KCNJ3: variants seen among roughly 807,000 people sequenced by gnomAD.
The protein encoded by KCNJ3 is potassium inwardly rectifying channel subfamily J member 3, also known as G protein-activated inward rectifier potassium channel 1.
Under a neutral mutation model 39.2 loss-of-function variants are expected in KCNJ3, and 4 were observed. The ratio of observed to expected loss-of-function variants is 0.10; its 90% CI spans 0.05 to 0.23. KCNJ3 has a LOEUF of 0.23. KCNJ3 is among the 10% of genes least tolerant of loss of function. The pLI, the probability that KCNJ3 is intolerant of heterozygous loss-of-function variation, is 1.00. For synonymous variants in KCNJ3, 230 were observed against 237.4 expected, an observed-to-expected ratio of 0.97 and a Z score of 0.29; for missense variants, 276 against 634.9, an observed-to-expected ratio of 0.43 and a Z score of 6.08.
chr2:154,834,714 G>A (rs1016173709), intron 2 of KCNJ3, among the ~76,000 whole-genome samples: 2 of 151,518 alleles, frequency 1.3e-5, no homozygotes, highest in Non-Finnish European at 2.9e-5. Flanking sequence ...GTGACAGAGC[G>A]AGACTCCATC....
At chr2:154,818,918 C>CTTTT (rs57668487) in intron 2 of KCNJ3, among the ~76,000 whole-genome samples, 1,701 of 52,414 alleles carry the variant, frequency 0.032, 178 homozygotes, top group East Asian at 0.082. Flanking sequence ...CTGCAAAAGC[C>CTTTT]TTTTTTTTTT....
chr2:154,699,413 T>C lies in KCNJ3; in HGVS notation c.638T>C (p.Phe213Ser). ...AGGGACGGAAAACTCACGCTTATGT[T>C]CCGGGTGGGCAACCTGCGCAACAGC... ...SMRDGKLTLM[F>S]RVGNLRNSHM... Residue 213 changes from phenylalanine (F) to serine (S), a missense_variant, in exon 1 of 3, where the codon TTC (phenylalanine) becomes TCC (serine). By Grantham distance (155) the Phe-to-Ser change is radical. Transcript: ENST00000295101. This position sits in a 1 kb window ranked among gnomAD's most constrained non-coding sequence, Gnocchi z 6.4. 6.2e-7 allele frequency: 1 copy of C among 1,605,600 alleles called. No homozygotes were observed. The highest frequency in any genetic ancestry group is 8.5e-7 in the Non-Finnish European group (1 of 1,179,956).
chr2:154,829,114 ATAT>A (rs1395733685), intron 2 of KCNJ3, among the ~76,000 whole-genome samples: 1 of 152,066 alleles, frequency 6.6e-6, no homozygotes, highest in African/African-American at 2.4e-5. Flanking sequence ...TGAAACTCAA[ATAT>A]TATTTATTTA....
chr2:154,831,103 C>A (rs1173049607), intron 2 of KCNJ3, among the ~76,000 whole-genome samples: 1 of 152,126 alleles, frequency 6.6e-6, no homozygotes, highest in East Asian at 1.9e-4. Context: ...CTTGTTCAGT[C>A]TTGACCTCAT....
chr2:154,725,009 T>C (rs986005685), intron 2 of KCNJ3, among the ~76,000 whole-genome samples: 2 of 149,398 alleles, frequency 1.3e-5, no homozygotes, highest in Non-Finnish European at 3.0e-5. Flanking sequence ...CCTGGGCTTT[T>C]AGTGTTTCCC....
At chr2:154,810,544 AC>A in intron 2 of KCNJ3, among the ~76,000 whole-genome samples, 1 of 152,340 alleles carries the variant, frequency 6.6e-6, no homozygotes, top group East Asian at 1.9e-4. Flanking sequence ...CTATTATAAG[AC>A]TAGCCAGATC....
intron 2 of KCNJ3, among the ~76,000 whole-genome samples, chr2:154,786,043 T>C (rs1187771003): frequency 1.3e-5 from 2 of 152,338 alleles, no homozygotes; most frequent in African/African-American, 4.8e-5. Context: ...AATCATGAAA[T>C]TGATGGTTAT....
At chr2:154,814,146 A>C (rs1478229627) in intron 2 of KCNJ3, among the ~76,000 whole-genome samples, 2 of 152,114 alleles carry the variant, frequency 1.3e-5, no homozygotes, top group Non-Finnish European at 2.9e-5. Flanking sequence ...TAAAGGTTTA[A>C]TTTTCTTTTT....
intron 2 of KCNJ3, among the ~76,000 whole-genome samples, chr2:154,832,673 A>G (rs933428652): frequency 6.9e-6 from 1 of 145,668 alleles, no homozygotes; most frequent in Non-Finnish European, 1.5e-5. Context: ...TTAACATCAG[A>G]GGAAATGGAG....
chr2:154,794,035 C>T (rs2105212178), intron 2 of KCNJ3, among the ~76,000 whole-genome samples: 1 of 151,920 alleles, frequency 6.6e-6, no homozygotes, highest in South Asian at 2.1e-4. Context: ...TCTGGAATCT[C>T]CTCAAAGCTA....
intron 2 of KCNJ3, among the ~76,000 whole-genome samples, chr2:154,782,046 G>A (rs899075895): frequency 6.6e-6 from 1 of 152,140 alleles, no homozygotes; most frequent in East Asian, 1.9e-4. Context: ...TGATATTGAG[G>A]TGTATACAAT....
At chr2:154,770,103 A>G (rs1485414763) in intron 2 of KCNJ3, among the ~76,000 whole-genome samples, 1 of 152,178 alleles carries the variant, frequency 6.6e-6, no homozygotes, top group Non-Finnish European at 1.5e-5. Context: ...TGAGGAGACA[A>G]GTATGTCATC....
intron 2 of KCNJ3, among the ~76,000 whole-genome samples, chr2:154,820,781 A>G (rs1050690103): frequency 2.0e-5 from 3 of 152,090 alleles, no homozygotes; most frequent in Non-Finnish European, 4.4e-5. Flanking sequence ...TAATTTTCTA[A>G]TTTTATTGTT....
At chr2:154,726,858 C>T (rs189755982) in intron 2 of KCNJ3, among the ~76,000 whole-genome samples, 1 of 145,048 alleles carries the variant, frequency 6.9e-6, no homozygotes, top group African/African-American at 2.6e-5. Context: ...TACTACTCAG[C>T]CAAAATAAGG....
chr2:154,726,792 T>TACACACACACAC (rs1421883511), intron 2 of KCNJ3, among the ~76,000 whole-genome samples: 40 of 101,378 alleles, frequency 3.9e-4, no homozygotes, highest in African/African-American at 1.6e-3. Flanking sequence ...ACATTTTATA[T>TACACACACACAC]ACATACACAC....
Position 154,840,649 on chromosome 2 carries a change from C to T in KCNJ3, c.920-14078C>T, listed in dbSNP as rs1574482602. On this transcript the variant is annotated intron_variant, in intron 2 of 2. Transcript: ENST00000295101. ...TGTAGTTCTCCTTGAAGAGGTCCTT[C>T]ACATCCCTTGTAAGTTGGATTCCTA... Among the ~76,000 whole-genome samples, 6 of 152,290 alleles carry T rather than the reference C, an allele frequency of 3.9e-5. 1 individual carries two copies. The highest frequency in any genetic ancestry group is 1.4e-4 in the African/African-American group (6 of 41,564).
chr2:154,699,119 C>T lies in KCNJ3; in HGVS notation c.344C>T (p.Ala115Val), dbSNP rs1448124560. The T allele has an allele frequency of 1.9e-6, 3 of 1,614,112 alleles. No individual in the cohort carries two copies. The highest frequency in any genetic ancestry group is 2.5e-6 in the Non-Finnish European group (3 of 1,180,056). Residue 115 changes from alanine (A) to valine (V), a missense_variant, in exon 1 of 3, where the codon GCC (alanine) becomes GTC (valine). Ala to Val is a moderately conservative substitution (Grantham distance 64). Coordinates refer to ENST00000295101, the MANE Select transcript of KCNJ3 (RefSeq NM_002239.4). The surrounding 1 kb of genome is among the most constrained non-coding windows in gnomAD (Gnocchi z 6.4). ...IAYTRGDLNK[A>V]HVGNYTPCVA... ...TACACTCGGGGCGACCTGAACAAAG[C>T]CCACGTCGGTAACTACACGCCTTGC...
intron 1 of KCNJ3, among the ~76,000 whole-genome samples, chr2:154,705,045 G>C (rs904267279): frequency 6.6e-6 from 1 of 152,176 alleles, no homozygotes; most frequent in Non-Finnish European, 1.5e-5. Flanking sequence ...TGTGAAAGGT[G>C]GTTAGGCATG....
chr2:154,817,155 G>T (rs1233534184), intron 2 of KCNJ3, among the ~76,000 whole-genome samples: 1 of 152,006 alleles, frequency 6.6e-6, no homozygotes, highest in Non-Finnish European at 1.5e-5. Context: ...CCTATGTTTG[G>T]TTTTCTTCCC....
Sources: gnomAD v4.1 joint callset for allele counts (sites outside exome capture counted in the v4.1 genomes callset) on GRCh38, gnomAD v4.1.1 for gene constraint, Gnocchi (gnomAD v3.1) non-coding constraint, MANE v1.5 for transcripts, NCBI Gene and HGNC (gene_info 2026-07-23, HGNC 2026-07-21) for gene names.